The following ACACB variants were observed in gnomAD, a reference collection of about 807,000 sequenced individuals.
ACACB encodes acetyl-CoA carboxylase beta.
ACACB carries 209 observed loss-of-function variants against 278.8 expected under a neutral mutation model. That is an observed-to-expected ratio of 0.75 (90% CI 0.67 to 0.84). The LOEUF (loss-of-function observed/expected upper bound fraction) is 0.84. Among genes scored for constraint, ACACB ranks in the 40% least tolerant of loss-of-function variants. The pLI, the probability that ACACB is intolerant of heterozygous loss-of-function variation, is 0.00. For synonymous variants in ACACB, 1,174 were observed against 1,285.6 expected (o/e 0.91, Z 1.86); for missense variants, 2,850 against 3,269.0 (o/e 0.87, Z 3.13).
chr12:109,220,841 C>T (rs1282934563), intron 24 of ACACB, among the ~76,000 whole-genome samples: 1 of 152,188 alleles, frequency 6.6e-6, no homozygotes, highest in Non-Finnish European at 1.5e-5. Context: ...AGGCCTGAGC[C>T]ACCATGCCCT....
At chr12:109,187,900 C>A in intron 12 of ACACB, 99 bp from the exon 13 acceptor site, 1 of 1,347,884 alleles carries the variant, frequency 7.4e-7, no homozygotes, top group Non-Finnish European at 1.0e-6. Flanking sequence ...AGCTTTTGGT[C>A]AGCGTAGGGG....
At chr12:109,226,699 C>CAAAAA (rs531983826) in intron 27 of ACACB, among the ~76,000 whole-genome samples, 9 of 74,170 alleles carry the variant, frequency 1.2e-4, no homozygotes, top group African/African-American at 2.3e-4. Context: ...AACTCCATCT[C>CAAAAA]AAAAAAAAAA....
At chr12:109,232,530 C>T in intron 28 of ACACB, 139 bp from the exon 29 acceptor site, 2 of 1,085,152 alleles carry the variant, frequency 1.8e-6, no homozygotes, top group Non-Finnish European at 2.6e-6. Context: ...GCCATTGTCT[C>T]ATCCCCTGCC....
Position 109,233,782 on chromosome 12 carries a change from G to A in ACACB, c.4174G>A (p.Val1392Met), listed in dbSNP as rs528800239. 1.7e-5 allele frequency: 28 copies of A among 1,614,126 alleles called. No individual in the cohort carries two copies. The East Asian group carries it at 2.2e-4, about 13-fold the overall frequency. Reference sequence around the variant, plus strand: ...TGAAGTCATCTCTTGCTTCGCCAACGTGCCCAAAGACACCCCCCTCTTCAG... The same window carrying A: ...TGAAGTCATCTCTTGCTTCGCCAACATGCCCAAAGACACCCCCCTCTTCAG... ...FDEVISCFANVPKDTPLFSEA... is the reference protein window; with the variant it reads ...FDEVISCFANMPKDTPLFSEA... Residue 1392 changes from valine to methionine, a missense_variant, in exon 30 of 53, where the codon GTG becomes ATG. Val to Met is a conservative substitution (Grantham distance 21). Around this residue, in one of 3 missense-constraint regions of ACACB, gnomAD observed 2,265 missense variants for 2,561.3 expected, o/e 0.88. Transcript: ENST00000338432.
In ACACB at chr12:109,212,897, T is replaced by C; in HGVS notation, c.3311T>C (p.Phe1104Ser). ...CAGCGGAAGGCTGATCGAGAGGTCTTCTTCATCAACACCCAGAGCATCGTG... is the reference window on the plus strand; with the variant it reads ...CAGCGGAAGGCTGATCGAGAGGTCTCCTTCATCAACACCCAGAGCATCGTG... Reference protein sequence around the residue: ...TLQRKADREVFFINTQSIVQL... With the variant: ...TLQRKADREVSFINTQSIVQL... Residue 1104 changes from phenylalanine to serine, a missense_variant, in exon 22 of 53, where the codon TTC becomes TCC. Phe to Ser is a radical substitution (Grantham distance 155, BLOSUM62 -2). This residue lies in a region of ACACB where 2,265 missense variants were observed against 2,561.3 expected (regional missense o/e 0.88). Coordinates refer to ENST00000338432, the MANE Select transcript of ACACB (RefSeq NM_001093.4). 6.2e-7 allele frequency: 1 copy of C among 1,614,148 alleles called. No individual in the cohort carries two copies. The highest frequency in any genetic ancestry group is 8.5e-7 in the Non-Finnish European group (1 of 1,180,002).
At chr12:109,119,728 C>T (rs904498836) in intron 1 of ACACB, among the ~76,000 whole-genome samples, 3 of 152,096 alleles carry the variant, frequency 2.0e-5, no homozygotes, top group Non-Finnish European at 4.4e-5. Context: ...AAAACCCTGT[C>T]TCTACTAAAA....
At chr12:109,190,595 A>G (rs12581133) in intron 13 of ACACB, among the ~76,000 whole-genome samples, 3,011 of 150,982 alleles carry the variant, frequency 0.02, 113 homozygotes, top group East Asian at 0.17. Context: ...AGGTCAAGGG[A>G]GAGACAGAGG....
At position 109,127,940 on chromosome 12, in the gene ACACB, A is replaced by G. The variant is rs547422591; in HGVS notation, c.-10+11236A>G. 4.6e-3 allele frequency among the ~76,000 whole-genome samples: 701 copies of G among 152,314 alleles called. 5 individuals are homozygous for G. The highest frequency in any genetic ancestry group is 0.016 in the African/African-American group (653 of 41,566). On this transcript the variant is annotated intron_variant, in intron 1 of 52. Transcript: ENST00000338432. ...TCACAACATAGCTGATTTGCTAATC[A>G]CAGCTCCTGCTTTAGGAACTTTGGC...
chr12:109,215,265 C>T (rs991931408), intron 22 of ACACB, among the ~76,000 whole-genome samples: 5 of 151,790 alleles, frequency 3.3e-5, no homozygotes, highest in African/African-American at 1.2e-4. Flanking sequence ...GTTCAGTATC[C>T]GAAATCTATG....
chr12:109,215,389 C>A (rs555881799), intron 22 of ACACB, among the ~76,000 whole-genome samples: 2 of 152,064 alleles, frequency 1.3e-5, no homozygotes, highest in Admixed American at 1.3e-4. Context: ...TTGGGCAGGG[C>A]AGTGTTCTTT....
rs765287718 is a variant in ACACB at position 109,264,228 on chromosome 12, G to T, written c.6788-4G>T. ...GCTTGACTGGCCTTTCTGCTCACCTGCAGGGGAACCTGATCTCTCCGACAA... is the reference window on the plus strand; with the variant it reads ...GCTTGACTGGCCTTTCTGCTCACCTTCAGGGGAACCTGATCTCTCCGACAA... On this transcript the variant is annotated splice_polypyrimidine_tract_variant and splice_region_variant and intron_variant, in intron 49 of 52. Transcript: ENST00000338432. The T allele has an allele frequency of 6.2e-7, 1 of 1,613,736 alleles. No homozygotes were observed. The highest frequency in any genetic ancestry group is 8.5e-7 in the Non-Finnish European group (1 of 1,179,788).
chr12:109,179,105 A>G lies in ACACB; in HGVS notation c.1455A>G (p.Pro485=). The change falls in exon 10 of 53, where the codon CCA becomes CCG. Residue 485 remains proline, a synonymous_variant. Coordinates refer to ENST00000338432, the MANE Select transcript of ACACB (RefSeq NM_001093.4). ...ILFRQVQSEI[P]GSPIFLMKLA... is the part of the protein sequence containing the mutation. ...CCCGACAGGTACAGAGTGAGATCCCAGGCTCGCCCATCTTTCTCATGAAGC... is the reference window on the plus strand; with the variant it reads ...CCCGACAGGTACAGAGTGAGATCCCGGGCTCGCCCATCTTTCTCATGAAGC... The G allele has an allele frequency of 6.2e-7, 1 of 1,613,268 alleles. No individual in the cohort carries two copies. The highest frequency in any genetic ancestry group is 8.5e-7 in the Non-Finnish European group (1 of 1,179,618).
chr12:109,198,250 T>C (rs1047085991), intron 17 of ACACB, among the ~76,000 whole-genome samples: 3 of 152,160 alleles, frequency 2.0e-5, no homozygotes, highest in Non-Finnish European at 4.4e-5. Context: ...TCAGGATTAC[T>C]ATAGGTTCTA....
In ACACB at chr12:109,210,408, C is replaced by CAT. The variant is rs1232436396; in HGVS notation, c.3249+1056_3249+1057insTA. On this transcript the variant is annotated intron_variant, in intron 21 of 52. Coordinates refer to ENST00000338432, the MANE Select transcript of ACACB (RefSeq NM_001093.4). ...ATGTGTATATATGTATATACACGCA[C>CAT]ACACATGTGTATATATGTATATACA... Among the ~76,000 whole-genome samples, 276 of 143,206 alleles carry CAT rather than the reference C, an allele frequency of 1.9e-3. 2 individuals are homozygous for CAT. Among genetic ancestry groups the CAT allele is most frequent in the African/African-American group, 6.8e-3 (258 of 38,024 alleles). The allele number at this position is 143,206 out of a possible 152,430, so 93.9% of individuals were successfully genotyped here.
Position 109,266,251 on chromosome 12 carries a change from C to G in ACACB, c.7266C>G (p.Asn2422Lys). 6.2e-7 allele frequency: 1 copy of G among 1,613,154 alleles called. No homozygotes were observed. Among genetic ancestry groups the G allele is most frequent in the Non-Finnish European group, 8.5e-7 (1 of 1,179,652 alleles). The change falls in exon 53 of 53, where the codon AAC (asparagine) becomes AAG (lysine). Residue 2422 changes from asparagine (N) to lysine (K), a missense_variant. By Grantham distance (94) the Asn-to-Lys change is moderately conservative (BLOSUM62 0). Around this residue, in one of 3 missense-constraint regions of ACACB, gnomAD observed 579 missense variants for 684.6 expected, o/e 0.85. Coordinates refer to ENST00000338432, the MANE Select transcript of ACACB (RefSeq NM_001093.4). The stretch of plus-strand genomic sequence containing the variant: ...TCCCCCACAGCCTGGTTGAAGAAAA[C>G]CCCGAGGTGGCCGTGGACTGTGTGA... ...LKTIRGLVEE[N>K]PEVAVDCVIY...
chr12:109,154,663 C>G (rs2043475477), intron 2 of ACACB: 1 of 152,310 alleles, frequency 6.6e-6, no homozygotes, highest in Non-Finnish European at 1.5e-5. Context: ...TGGCCCGGGA[C>G]TCTGGCGCGC....
chr12:109,245,682 C>A lies in ACACB; in HGVS notation c.5235C>A (p.Tyr1745Ter), dbSNP rs2046920974. The A allele has an allele frequency of 1.2e-6, 2 of 1,614,182 alleles. No individual in the cohort carries two copies. Among genetic ancestry groups the A allele is most frequent in the Non-Finnish European group, 1.7e-6 (2 of 1,180,016 alleles). The stretch of plus-strand genomic sequence containing the variant: ...AGTATCCCAAAGACATCCTGACATA[C>A]ACTGAATTAGTGTTGGACTCTCAGG... The part of the protein sequence containing the change: ...PDKYPKDILT[Y>*]TELVLDSQGQ... The change falls in exon 38 of 53, where the codon TAC (tyrosine) becomes TAA (stop). Residue 1745 changes from tyrosine to a stop codon, truncating the protein, a stop_gained. Transcript: ENST00000338432. LOFTEE classifies it high-confidence loss of function.
At chr12:109,266,212 G>A in intron 52 of ACACB, 24 bp from the exon 53 acceptor site, 1 of 1,608,438 alleles carries the variant, frequency 6.2e-7, no homozygotes, top group Non-Finnish European at 8.5e-7. Flanking sequence ...AGTGATCCCA[G>A]CCCTCCTCTC....
intron 24 of ACACB, among the ~76,000 whole-genome samples, chr12:109,219,855 C>T (rs973622030): frequency 1.3e-5 from 2 of 152,178 alleles, no homozygotes; most frequent in Admixed American, 6.5e-5. Flanking sequence ...GATTGCAACA[C>T]GCAGCCAGGA....
Sources: gnomAD v4.1 joint callset for allele counts (sites outside exome capture counted in the v4.1 genomes callset) on GRCh38, gnomAD v4.1.1 for gene constraint, gnomAD v4.1.1 regional missense constraint, MANE v1.5 for transcripts, NCBI Gene and HGNC (gene_info 2026-07-23, HGNC 2026-07-21) for gene names.